Variants in TNRC6B observed in about 807,000 individuals in gnomAD.
TNRC6B encodes the protein trinucleotide repeat containing adaptor 6B.
In TNRC6B, 52 loss-of-function variants were observed where a neutral mutation model predicts 203.6. The ratio of observed to expected loss-of-function variants is 0.26; its 90% confidence interval spans 0.20 to 0.32. The LOEUF (loss-of-function observed/expected upper bound fraction) is 0.32, where lower values mean the gene tolerates loss of function less well. Ranked by LOEUF, TNRC6B falls within the 10% of genes least tolerant of loss-of-function variation. TNRC6B has a pLI of 1.00. For synonymous variants in TNRC6B, 838 were observed against 845.7 expected (o/e 0.99, Z 0.16); for missense variants, 1,923 against 2,286.2 (o/e 0.84, Z 3.24).
At chr22:40,271,709 G>A (rs191677195) in intron 6 of TNRC6B, among the ~76,000 whole-genome samples, 1 of 152,238 alleles carries the variant, frequency 6.6e-6, no homozygotes, top group East Asian at 1.9e-4. Flanking sequence ...CCCAACCTCA[G>A]GATCACCTCT....
rs185959820 is a variant in TNRC6B, at chr22:40,283,221, G to T, written c.3582+1932G>T. Reference sequence around the variant, plus strand: ...GCCCGGCTAATTTTTTGTATTTTTAGTAGAGATGGAGTTTCACCATGTTAG... The same window carrying T: ...GCCCGGCTAATTTTTTGTATTTTTATTAGAGATGGAGTTTCACCATGTTAG... On this transcript the variant is annotated intron_variant, in intron 11 of 22. Coordinates refer to ENST00000454349, the MANE Select transcript of TNRC6B (RefSeq NM_001162501.2). Among the ~76,000 whole-genome samples the T allele has an allele frequency of 7.9e-5, 12 of 152,182 alleles. No homozygotes were observed. The East Asian group carries it at 2.3e-3, about 29-fold the overall frequency.
At chr22:40,174,970 T>C (rs185731734), upstream of TNRC6B, among the ~76,000 whole-genome samples, 401 of 152,336 alleles carry the variant, frequency 2.6e-3, 1 homozygote, top group South Asian at 4.8e-3. Context: ...AGAAATAATG[T>C]ATTTATTGCA....
At chr22:40,241,890 T>C (rs977070262) in intron 1 of TNRC6B, among the ~76,000 whole-genome samples, 2 of 152,246 alleles carry the variant, frequency 1.3e-5, no homozygotes, top group Non-Finnish European at 2.9e-5. Context: ...CTTATTTTGA[T>C]GTTGATGTTG....
At chr22:40,262,725 TG>T (rs2070405763) in intron 4 of TNRC6B, among the ~76,000 whole-genome samples, 5 of 152,176 alleles carry the variant, frequency 3.3e-5, no homozygotes, top group Non-Finnish European at 7.3e-5. Context: ...GATATTTAGC[TG>T]AAAGGTTCTA....
At chr22:40,240,378 C>T (rs2036122916) in intron 1 of TNRC6B, among the ~76,000 whole-genome samples, 1 of 152,134 alleles carries the variant, frequency 6.6e-6, no homozygotes, top group South Asian at 2.1e-4. Flanking sequence ...CCCCCAGCTC[C>T]CCTAGACAAT....
chr22:40,207,231 T>C (rs1286299734), intron 1 of TNRC6B, among the ~76,000 whole-genome samples: 7 of 152,072 alleles, frequency 4.6e-5, no homozygotes, highest in African/African-American at 1.7e-4. Flanking sequence ...TTTATGACCT[T>C]GGAGCAGGGA....
intron 15 of TNRC6B, among the ~76,000 whole-genome samples, chr22:40,303,771 C>T (rs1230643344): frequency 6.6e-6 from 1 of 152,068 alleles, no homozygotes; most frequent in Non-Finnish European, 1.5e-5. Context: ...ATTAATTGGA[C>T]GTGGTGGTGT....
intron 3 of TNRC6B, among the ~76,000 whole-genome samples, chr22:40,155,676 C>G (rs1465583792): frequency 1.3e-5 from 2 of 152,022 alleles, no homozygotes; most frequent in African/African-American, 4.8e-5. Flanking sequence ...CTTGTCAACA[C>G]TTGGTATTAC....
Position 40,132,948 on chromosome 22 carries a change from A to ATAAAAAATT in TNRC6B, c.45+7086_45+7087insTAAAAAATT, listed in dbSNP as rs1393420363. ...GACAGAGCAAGACTCTGTCTCAAAA[A>ATAAAAAATT]AAAAAAAAAAAAAAAAAAAAAATAT... On this transcript the variant is annotated intron_variant, in intron 3 of 23. Transcript: ENST00000301923. 4.4e-5 allele frequency among the ~76,000 whole-genome samples: 4 copies of ATAAAAAATT among 90,308 alleles called. No homozygotes were observed. In the South Asian group the frequency reaches 1.4e-3, roughly 32 times the overall value. 59.2% of individuals were successfully genotyped at this position (90,308 alleles called of 152,430 possible).
At chr22:40,074,188 C>T (rs189819798) in intron 1 of TNRC6B, among the ~76,000 whole-genome samples, 46 of 146,676 alleles carry the variant, frequency 3.1e-4, no homozygotes, top group African/African-American at 1.1e-3. Context: ...GCTGAGATCA[C>T]ACCACTGCTC....
chr22:40,108,340 G>A (rs1187248847), intron 1 of TNRC6B, among the ~76,000 whole-genome samples: 1 of 152,220 alleles, frequency 6.6e-6, no homozygotes, highest in Non-Finnish European at 1.5e-5. Flanking sequence ...CTGTCTCTGA[G>A]ATTCACCACG....
intron 15 of TNRC6B, among the ~76,000 whole-genome samples, chr22:40,304,660 G>C (rs2071067826): frequency 6.6e-6 from 1 of 152,164 alleles, no homozygotes; most frequent in Admixed American, 6.5e-5. Flanking sequence ...ATAGTAAGGA[G>C]TGTTGGTTAC....
At chr22:40,049,006 G>A (rs866085203) in intron 1 of TNRC6B, among the ~76,000 whole-genome samples, 3 of 152,072 alleles carry the variant, frequency 2.0e-5, no homozygotes, top group South Asian at 4.1e-4. Context: ...GATTATAGGC[G>A]TGCATCACCA....
intron 1 of TNRC6B, among the ~76,000 whole-genome samples, chr22:40,195,990 T>C (rs1016324911): frequency 2.0e-5 from 3 of 151,898 alleles, no homozygotes; most frequent in African/African-American, 7.3e-5. Context: ...TGTTAGCCAG[T>C]ATGGTCTCAA....
intron 1 of TNRC6B, among the ~76,000 whole-genome samples, chr22:40,116,321 TGAG>T (rs1264642144): frequency 6.6e-6 from 1 of 152,222 alleles, no homozygotes; most frequent in Non-Finnish European, 1.5e-5. Flanking sequence ...GCTCCAACCT[TGAG>T]GAGCATTCCT....
chr22:40,065,240 A>G (rs576206972), intron 1 of TNRC6B, among the ~76,000 whole-genome samples: 5 of 152,064 alleles, frequency 3.3e-5, no homozygotes, highest in Non-Finnish European at 5.9e-5. Context: ...TTGAACTCCT[A>G]GGCTCAAGTG....
chr22:40,129,595 A>T (rs1423458154), intron 3 of TNRC6B, among the ~76,000 whole-genome samples: 2 of 152,194 alleles, frequency 1.3e-5, no homozygotes, highest in Admixed American at 1.3e-4. Context: ...TGCTGCCAAG[A>T]ATCAAGGAGG....
At chr22:40,072,861 C>CAAA (rs767881898) in intron 1 of TNRC6B, among the ~76,000 whole-genome samples, 12 of 46,522 alleles carry the variant, frequency 2.6e-4, no homozygotes, top group Non-Finnish European at 4.1e-4. Flanking sequence ...GAGATTCTCT[C>CAAA]AAAAAAAAAA....
At chr22:40,234,560 G>A (rs1180367262) in intron 1 of TNRC6B, among the ~76,000 whole-genome samples, 3 of 152,136 alleles carry the variant, frequency 2.0e-5, no homozygotes, top group Non-Finnish European at 2.9e-5. Context: ...AGTTTGAGAA[G>A]CATTGCTTTA....
Sources: allele counts gnomAD v4.1 joint callset (sites outside exome capture counted in the v4.1 genomes callset), GRCh38; gene constraint gnomAD v4.1.1; transcripts MANE v1.5; gene names NCBI Gene and HGNC (gene_info 2026-07-23, HGNC 2026-07-21).